RASEF: variants seen among roughly 807,000 people sequenced by gnomAD.
The protein encoded by RASEF is RAS and EF-hand domain containing.
A neutral mutation model predicts 90.1 loss-of-function variants in RASEF; 68 were observed. The ratio of observed to expected loss-of-function variants is 0.75; its 90% CI spans 0.62 to 0.92. The LOEUF (loss-of-function observed/expected upper bound fraction) is 0.92, where lower values mean the gene tolerates loss of function less well. Among genes scored for constraint, RASEF ranks in the 40% least tolerant of loss-of-function variants. The pLI is 0.00. For synonymous variants in RASEF, 331 were observed against 345.2 expected, an observed-to-expected ratio of 0.96 and a Z score of 0.46; for missense variants, 949 against 937.2, an observed-to-expected ratio of 1.01 and a Z score of -0.16.
At chr9:83,205,841 C>A in the RASEF span, among the ~76,000 whole-genome samples, 1 of 152,160 alleles carries the variant, frequency 6.6e-6, no homozygotes, top group African/African-American at 2.4e-5. Context: ...CAAACCTCGG[C>A]CTTTCCTCTC....
At chr9:83,135,057 A>C in the RASEF span, among the ~76,000 whole-genome samples, 1 of 152,172 alleles carries the variant, frequency 6.6e-6, no homozygotes, top group Non-Finnish European at 1.5e-5. Flanking sequence ...ACAGACAGAA[A>C]GTAGATTGAT....
intron 1 of RASEF, among the ~76,000 whole-genome samples, chr9:83,036,246 C>T (rs145817452): frequency 4.1e-4 from 62 of 152,308 alleles, no homozygotes; most frequent in African/African-American, 1.4e-3. Flanking sequence ...AGACAGAAAA[C>T]TCCTTCAGGA....
the RASEF span, among the ~76,000 whole-genome samples, chr9:83,190,239 G>C: frequency 1.3e-5 from 2 of 152,144 alleles, no homozygotes; most frequent in African/African-American, 4.8e-5. Flanking sequence ...CCTGTTACAC[G>C]AAGCATCTAA....
At chr9:83,009,326 C>T (rs1829196819) in intron 6 of RASEF, among the ~76,000 whole-genome samples, 1 of 152,010 alleles carries the variant, frequency 6.6e-6, no homozygotes, top group Admixed American at 6.5e-5. Flanking sequence ...GTTTTATGGC[C>T]AGGATTCCTG....
At chr9:83,035,137 G>C (rs1045482114) in intron 1 of RASEF, among the ~76,000 whole-genome samples, 4 of 152,170 alleles carry the variant, frequency 2.6e-5, no homozygotes, top group Admixed American at 2.0e-4. Flanking sequence ...TCATGTTCAA[G>C]GTCAGTCTGC....
At chr9:83,080,798 T>C in the RASEF span, among the ~76,000 whole-genome samples, 1 of 152,124 alleles carries the variant, frequency 6.6e-6, no homozygotes, top group African/African-American at 2.4e-5. Flanking sequence ...ATCTAGGAAA[T>C]AAATCTTCCC....
upstream of RASEF, among the ~76,000 whole-genome samples, chr9:83,063,809 CTT>C (rs1830257767): frequency 6.6e-6 from 1 of 152,106 alleles, no homozygotes; most frequent in Non-Finnish European, 1.5e-5. Flanking sequence ...GTTTTAAACA[CTT>C]TTTTCGACAA....
At chr9:83,071,721 A>T in the RASEF span, among the ~76,000 whole-genome samples, 4 of 152,092 alleles carry the variant, frequency 2.6e-5, no homozygotes, top group African/African-American at 9.7e-5. Context: ...CATTTTGTTA[A>T]CAGTGGTGAA....
chr9:83,181,127 T>C, the RASEF span, among the ~76,000 whole-genome samples: 1 of 148,278 alleles, frequency 6.7e-6, no homozygotes, highest in African/African-American at 2.5e-5. Flanking sequence ...CAATACTAGA[T>C]CTTGGCAAAC....
chr9:82,996,545 G>A (rs1003714170), intron 14 of RASEF, among the ~76,000 whole-genome samples: 3 of 152,168 alleles, frequency 2.0e-5, no homozygotes, highest in African/African-American at 7.2e-5. Context: ...ATCACTACCA[G>A]AATAAGGTTG....
intron 9 of RASEF, among the ~76,000 whole-genome samples, chr9:83,003,575 A>G (rs1487083369): frequency 6.6e-6 from 1 of 152,236 alleles, no homozygotes; most frequent in East Asian, 1.9e-4. Context: ...TCTATAAATC[A>G]AGCCATTAAA....
chr9:83,089,414 A>G, the RASEF span, among the ~76,000 whole-genome samples: 1 of 152,110 alleles, frequency 6.6e-6, no homozygotes, highest in Non-Finnish European at 1.5e-5. Flanking sequence ...ATTACTATCT[A>G]ATATCCTTTA....
the RASEF span, among the ~76,000 whole-genome samples, chr9:83,093,100 T>C: frequency 1.3e-5 from 2 of 152,114 alleles, no homozygotes; most frequent in African/African-American, 4.8e-5. Flanking sequence ...AACCCTGAGC[T>C]AGACACAGGG....
chr9:83,089,867 G>A, the RASEF span, among the ~76,000 whole-genome samples: 1 of 151,616 alleles, frequency 6.6e-6, no homozygotes, highest in Non-Finnish European at 1.5e-5. Flanking sequence ...TCTTTCTCCT[G>A]TCCTTCTGGG....
chr9:83,074,332 G>C, the RASEF span, among the ~76,000 whole-genome samples: 5 of 152,184 alleles, frequency 3.3e-5, no homozygotes, highest in African/African-American at 7.2e-5. Context: ...AGTACTTACT[G>C]TTTCTCAAAG....
At chr9:83,035,368 G>C (rs947977663) in intron 1 of RASEF, among the ~76,000 whole-genome samples, 1 of 152,118 alleles carries the variant, frequency 6.6e-6, no homozygotes, top group Non-Finnish European at 1.5e-5. Context: ...TTGCTGTGCT[G>C]ACCCGTTACC....
the RASEF span, among the ~76,000 whole-genome samples, chr9:83,078,218 G>C: frequency 6.6e-6 from 1 of 152,140 alleles, no homozygotes; most frequent in Non-Finnish European, 1.5e-5. Flanking sequence ...TCATACAATG[G>C]TTTGCAGCTG....
chr9:83,170,076 C>A, the RASEF span, among the ~76,000 whole-genome samples: 1 of 151,940 alleles, frequency 6.6e-6, no homozygotes, highest in Admixed American at 6.6e-5. Context: ...ACATTTAAGT[C>A]TTTAATTTAT....
chr9:82,980,829 C>A lies in RASEF; in HGVS notation c.*1848G>T, dbSNP rs1828584244. ...CATTCTTTATGATCAGAAATGTAAT[C>A]TTTTCTTTTTCTGGAACCAGGAAAC... On this transcript the variant is annotated 3_prime_UTR_variant, in exon 17 of 17. Coordinates refer to ENST00000376447, the MANE Select transcript of RASEF (RefSeq NM_152573.4). The A allele has an allele frequency of 6.6e-6, 1 of 152,150 alleles. No individual in the cohort carries two copies. The highest frequency in any genetic ancestry group is 2.1e-4 in the South Asian group (1 of 4,826). The allele number at this position is 152,150 out of a possible 1,614,324, so 9.4% of individuals were successfully genotyped here.
Sources: allele counts gnomAD v4.1 joint callset (sites outside exome capture counted in the v4.1 genomes callset), GRCh38; gene constraint gnomAD v4.1.1; transcripts MANE v1.5; gene names NCBI Gene and HGNC (gene_info 2026-07-23, HGNC 2026-07-21).